The following CRK variants were observed in gnomAD, a reference collection of about 807,000 sequenced individuals.
CRK encodes the protein adapter molecule crk.
A neutral mutation model predicts 29.8 loss-of-function variants in CRK; 4 were observed. The ratio of observed to expected loss-of-function variants is 0.13; its 90% confidence interval spans 0.07 to 0.31. CRK has a LOEUF of 0.31. CRK is among the 10% of genes least tolerant of loss of function. The pLI, the probability that CRK is intolerant of heterozygous loss-of-function variation, is 1.00. For synonymous variants in CRK, 153 were observed against 164.9 expected (o/e 0.93, Z 0.55); for missense variants, 274 against 396.5 (o/e 0.69, Z 2.62).
chr17:1,436,753 C>T lies in CRK; in HGVS notation c.644G>A (p.Gly215Glu), dbSNP rs1273441505. The change falls in exon 2 of 3, where the codon GGG (glycine) becomes GAG (glutamate). Residue 215 changes from glycine to glutamate, a missense_variant. Transcript: ENST00000300574. ...TTGGGCATAGGGCCCAGGCTCCGGC[C>T]CACCCAGTGGCTGTGGGTGGGAACC... ...QEGSHPQPLG[G>E]PEPGPYAQPS... 6.3e-7 allele frequency: 1 copy of T among 1,591,448 alleles called. No individual in the cohort carries two copies. Among genetic ancestry groups the T allele is most frequent in the Non-Finnish European group, 8.5e-7 (1 of 1,171,122 alleles).
At chr17:1,448,795 C>G (rs2073995475) in intron 1 of CRK, among the ~76,000 whole-genome samples, 1 of 152,010 alleles carries the variant, frequency 6.6e-6, no homozygotes, top group Non-Finnish European at 1.5e-5. Flanking sequence ...CTCAAAAGTT[C>G]TGTGGTCAGG....
At chr17:1,433,408 G>A (rs560580702) in intron 2 of CRK, among the ~76,000 whole-genome samples, 13 of 151,910 alleles carry the variant, frequency 8.6e-5, no homozygotes, top group African/African-American at 2.9e-4. Context: ...GTACAGAGAG[G>A]CAGCACAGGA....
chr17:1,449,095 G>A (rs1278836354), intron 1 of CRK, among the ~76,000 whole-genome samples: 1 of 152,094 alleles, frequency 6.6e-6, no homozygotes, highest in East Asian at 1.9e-4. Context: ...TACCTCGAGG[G>A]AGTATCACAA....
chr17:1,438,865 C>CA (rs2073911260), intron 1 of CRK, among the ~76,000 whole-genome samples: 1 of 151,772 alleles, frequency 6.6e-6, no homozygotes, highest in African/African-American at 2.4e-5. Context: ...AAAAATGAGT[C>CA]AGGGTTTTGC....
At chr17:1,438,475 T>G (rs1042815531) in intron 1 of CRK, among the ~76,000 whole-genome samples, 1 of 152,090 alleles carries the variant, frequency 6.6e-6, no homozygotes, top group Non-Finnish European at 1.5e-5. Context: ...AATTTTATCT[T>G]TGACAGCTAA....
intron 2 of CRK, among the ~76,000 whole-genome samples, chr17:1,432,506 G>A (rs1459373876): frequency 4.0e-5 from 6 of 148,300 alleles, no homozygotes; most frequent in South Asian, 2.1e-4. Context: ...GGCCAGGCGC[G>A]GTGGCTCACG....
chr17:1,431,007 G>A (rs952606549), intron 2 of CRK, among the ~76,000 whole-genome samples: 8 of 151,910 alleles, frequency 5.3e-5, no homozygotes, highest in Non-Finnish European at 1.0e-4. Flanking sequence ...GGCGGAGCTC[G>A]CAGTGAGCCG....
chr17:1,430,985 G>A (rs1360463157), intron 2 of CRK, among the ~76,000 whole-genome samples: 6 of 151,978 alleles, frequency 3.9e-5, no homozygotes, highest in South Asian at 2.1e-4. Context: ...GGAGAATAGC[G>A]TGAACCCTGG....
At chr17:1,453,736 A>G (rs1330202642) in intron 1 of CRK, among the ~76,000 whole-genome samples, 1 of 152,016 alleles carries the variant, frequency 6.6e-6, no homozygotes, top group African/African-American at 2.4e-5. Context: ...GCGAAACCCC[A>G]ACCCTACTAA....
At chr17:1,446,583 A>G (rs1023750564) in intron 1 of CRK, among the ~76,000 whole-genome samples, 2 of 143,074 alleles carry the variant, frequency 1.4e-5, no homozygotes, top group African/African-American at 5.2e-5. Flanking sequence ...AACTGGGCTC[A>G]CTATGACTTT....
At chr17:1,432,573 C>T (rs1238234642) in intron 2 of CRK, among the ~76,000 whole-genome samples, 2 of 148,878 alleles carry the variant, frequency 1.3e-5, no homozygotes, top group South Asian at 2.1e-4. Flanking sequence ...GTCAGGAGGT[C>T]GAGACCATCC....
intron 1 of CRK, among the ~76,000 whole-genome samples, chr17:1,451,231 G>C (rs1175882063): frequency 3.2e-5 from 4 of 125,676 alleles, no homozygotes; most frequent in African/African-American, 1.2e-4. Flanking sequence ...ATTTTAAAAA[G>C]CTTCTTCATC....
intron 1 of CRK, 128 bp downstream of exon 1, chr17:1,455,748 GC>G: frequency 7.8e-7 from 1 of 1,283,670 alleles, no homozygotes; most frequent in Non-Finnish European, 1.0e-6. Context: ...CAGCCGGCGG[GC>G]CCCTGCCACG....
intron 2 of CRK, among the ~76,000 whole-genome samples, chr17:1,430,939 G>A (rs931223058): frequency 1.9e-4 from 29 of 151,834 alleles, no homozygotes; most frequent in Non-Finnish European, 3.2e-4. Context: ...GTGGTAGCAG[G>A]CGCCTGTAGT....
rs573759479 is a variant in CRK, at chr17:1,452,184, T to C, written c.241+3693A>G. Among the ~76,000 whole-genome samples, 7 of 152,306 alleles carry C rather than the reference T, an allele frequency of 4.6e-5. No homozygotes were observed. In the South Asian group the frequency reaches 1.4e-3, roughly 32 times the overall value. On this transcript the variant is annotated intron_variant, in intron 1 of 2. Transcript: ENST00000300574. ...TTCTGAAAGTCATTTATTAGTTGTG[T>C]GACCTTAAGCAAGTTACTGAATCTA...
intron 1 of CRK, among the ~76,000 whole-genome samples, chr17:1,442,485 T>G (rs2073942741): frequency 6.6e-6 from 1 of 152,014 alleles, no homozygotes; most frequent in African/African-American, 2.4e-5. Context: ...GTACTGAGAT[T>G]ACAGATGTGA....
rs1568014296 is a variant in CRK at position 1,436,774 on chromosome 17, G to A, written c.623C>T (p.Ser208Phe). The A allele has an allele frequency of 1.9e-6, 3 of 1,585,784 alleles. No homozygotes were observed. Among genetic ancestry groups the A allele is most frequent in the East Asian group, 4.5e-5 (2 of 44,822 alleles). ...SALIGGNQEG[S>F]HPQPLGGPEP... ...CGGCCCACCCAGTGGCTGTGGGTGG[G>A]AACCCTCCTGGTTACCTCCAATCAG... The change falls in exon 2 of 3, where the codon TCC (serine) becomes TTC (phenylalanine). Residue 208 changes from serine to phenylalanine, a missense_variant. Ser to Phe is a radical substitution (Grantham distance 155). Transcript: ENST00000300574.
At chr17:1,432,645 C>T (rs1243408390) in intron 2 of CRK, among the ~76,000 whole-genome samples, 9 of 151,180 alleles carry the variant, frequency 6.0e-5, no homozygotes, top group African/African-American at 9.7e-5. Flanking sequence ...GGCGTGGTGG[C>T]GGGCGCCTGT....
chr17:1,428,167 G>A (rs1486476184), intron 2 of CRK, among the ~76,000 whole-genome samples: 1 of 150,416 alleles, frequency 6.6e-6, no homozygotes, highest in African/African-American at 2.5e-5. Flanking sequence ...CACCCAGGCT[G>A]GAGTGCAGTG....
Sources: gnomAD v4.1 joint callset for allele counts (sites outside exome capture counted in the v4.1 genomes callset) on GRCh38, gnomAD v4.1.1 for gene constraint, MANE v1.5 for transcripts, NCBI Gene and HGNC (gene_info 2026-07-23, HGNC 2026-07-21) for gene names.